The following GALNS variants were observed in gnomAD, a reference collection of about 807,000 sequenced individuals.
GALNS encodes the protein N-acetylgalactosamine-6-sulfatase.
Under a neutral mutation model 65.9 loss-of-function variants are expected in GALNS, and 65 were observed. The observed-to-expected ratio is 0.99, with a 90% confidence interval of 0.81 to 1.21. The LOEUF is 1.21. Ranked by LOEUF, GALNS falls within the 50% of genes most tolerant of loss-of-function variation. The pLI, the probability that GALNS is intolerant of heterozygous loss-of-function variation, is 0.00. For synonymous variants in GALNS, 346 were observed against 288.9 expected, an observed-to-expected ratio of 1.20 and a Z score of -2.00; for missense variants, 776 against 700.7, an observed-to-expected ratio of 1.11 and a Z score of -1.21.
At chr16:88,840,539 G>C (rs974221880) in intron 4 of GALNS, 8 of 299,820 alleles carry the variant, frequency 2.7e-5, no homozygotes, top group African/African-American at 1.7e-4. Context: ...CAACTGCTAG[G>C]CTGTTACTCT....
chr16:88,839,505 C>T (rs1385307513), intron 4 of GALNS, among the ~76,000 whole-genome samples: 6 of 152,264 alleles, frequency 3.9e-5, no homozygotes, highest in African/African-American at 7.2e-5. Context: ...CAAGTCCCTG[C>T]CCTGCACACC....
At chr16:88,823,768 G>A (rs1380423151) in intron 11 of GALNS, among the ~76,000 whole-genome samples, 9 of 136,068 alleles carry the variant, frequency 6.6e-5, no homozygotes, top group Non-Finnish European at 1.1e-4. Context: ...GACGGCCCTC[G>A]CAGGCGGCAA....
intron 1 of GALNS, among the ~76,000 whole-genome samples, chr16:88,846,994 A>C (rs1194930180): frequency 6.6e-6 from 1 of 152,124 alleles, no homozygotes; most frequent in Admixed American, 6.5e-5. Context: ...ACCTGTGGAC[A>C]CACCTGGACG....
At chr16:88,837,058 G>A (rs559580959) in intron 5 of GALNS, among the ~76,000 whole-genome samples, 14 of 152,358 alleles carry the variant, frequency 9.2e-5, no homozygotes, top group South Asian at 4.1e-4. Context: ...TCTGGTCACC[G>A]TCATGTAATG....
At position 88,815,454 on chromosome 16, in the gene GALNS, C is replaced by T. The variant is rs1909524976; in HGVS notation, c.1483-929G>A. Reference sequence around the variant, plus strand: ...AGTGCGGTGCTGAGCGGAGCCCGCACCCCTCCATCGCCTGGGTGTGTGTGG... The same window carrying T: ...AGTGCGGTGCTGAGCGGAGCCCGCATCCCTCCATCGCCTGGGTGTGTGTGG... On this transcript the variant is annotated intron_variant, in intron 13 of 13. Transcript: ENST00000268695. 6 of 985,368 alleles carry T rather than the reference C, an allele frequency of 6.1e-6. No individual in the cohort carries two copies. In the South Asian group the frequency reaches 1.4e-4, roughly 23 times the overall value. 61.0% of individuals were successfully genotyped at this position (985,368 alleles called of 1,614,324 possible).
chr16:88,835,445 T>C (rs1912022072), intron 7 of GALNS, 93 bp from the exon 8 acceptor site: 1 of 1,510,980 alleles, frequency 6.6e-7, no homozygotes, highest in African/African-American at 1.4e-5. Flanking sequence ...ACGGAGTTCA[T>C]TAAATCATAA....
At chr16:88,827,097 G>GAA (rs1203795845) in intron 9 of GALNS, 1 of 579,854 alleles carries the variant, frequency 1.7e-6, no homozygotes. Context: ...TGGATCAGAT[G>GAA]AAAGGAGAAT....
chr16:88,825,131 T>C (rs1333165338), intron 10 of GALNS, among the ~76,000 whole-genome samples: 194 of 99,072 alleles, frequency 2.0e-3, no homozygotes, highest in African/African-American at 8.2e-3. Flanking sequence ...GGCTGGGGTG[T>C]CTGGGCGGCC....
Position 88,814,285 on chromosome 16 carries a change from G to A in GALNS, c.*154C>T. On this transcript the variant is annotated 3_prime_UTR_variant, in exon 14 of 14. Coordinates refer to ENST00000268695, the MANE Select transcript of GALNS (RefSeq NM_000512.5). ...CAAGCACACGCCAGGGTCAGGTCCT[G>A]GGCAGGTGGAATTGTGCAGTCCCCC... The A allele has an allele frequency of 2.0e-6, 2 of 1,025,630 alleles. No individual in the cohort carries two copies. Among genetic ancestry groups the A allele is most frequent in the Non-Finnish European group, 3.0e-6 (2 of 676,756 alleles). The allele number at this position is 1,025,630 out of a possible 1,614,324, so 63.5% of individuals were successfully genotyped here.
intron 11 of GALNS, among the ~76,000 whole-genome samples, chr16:88,823,814 G>T (rs1028193033): frequency 6.9e-6 from 1 of 145,832 alleles, no homozygotes; most frequent in African/African-American, 2.6e-5. Flanking sequence ...GCCCTCGCAG[G>T]CGGCAATGCC....
Position 88,814,347 on chromosome 16 carries a change from G to C in GALNS, c.*92C>G, listed in dbSNP as rs191870580. 6.6e-7 allele frequency: 1 copy of C among 1,511,152 alleles called. No homozygotes were observed. The highest frequency in any genetic ancestry group is 2.5e-5 in the East Asian group (1 of 40,624). 93.6% of individuals were successfully genotyped at this position (1,511,152 alleles called of 1,614,324 possible). A position where few individuals can be genotyped will look rare whatever the true frequency, so the allele number is the denominator to read the frequency against. ...GTGCTGTCTGTCTGGCTTGGGCAGG[G>C]TTGGGGGAGGACCGAGGCCAGAGCC... On this transcript the variant is annotated 3_prime_UTR_variant, in exon 14 of 14. Coordinates refer to ENST00000268695, the MANE Select transcript of GALNS (RefSeq NM_000512.5).
intron 1 of GALNS, among the ~76,000 whole-genome samples, chr16:88,853,287 C>T (rs1409516615): frequency 6.6e-6 from 1 of 151,326 alleles, no homozygotes; most frequent in East Asian, 1.9e-4. Context: ...GCCTAAAAGC[C>T]CCCAAATGAT....
chr16:88,856,552 G>A (rs1337481994), intron 1 of GALNS: 2 of 669,088 alleles, frequency 3.0e-6, no homozygotes, highest in East Asian at 2.8e-5. Flanking sequence ...GCCACTCCCC[G>A]AGGGGCCTCC....
chr16:88,840,082 G>A (rs967755503), intron 4 of GALNS, among the ~76,000 whole-genome samples: 22 of 152,388 alleles, frequency 1.4e-4, no homozygotes, highest in Admixed American at 1.0e-3. Context: ...CTCTGCAGCT[G>A]CTGTGCCCAT....
chr16:88,824,848 G>A lies in GALNS; in HGVS notation c.1161C>T (p.Gly387=), dbSNP rs376919708. The change falls in exon 11 of 14, where the codon GGC becomes GGT. Residue 387 remains glycine (G), a synonymous_variant. Transcript: ENST00000268695. The part of the protein sequence containing the change: ...LMDRPIFYYR[G]DTLMAATLGQ... ...CGAGGGTGGCCGCCATCAGCGTGTC[G>A]CCACGGTAATAGAAGATAGGCCTGT... 8.9e-5 allele frequency: 144 copies of A among 1,613,170 alleles called. No homozygotes were observed. The highest frequency in any genetic ancestry group is 1.9e-4 in the African/African-American group (14 of 74,928).
chr16:88,842,280 C>T (rs1967011738), intron 2 of GALNS: 1 of 541,906 alleles, frequency 1.8e-6, no homozygotes, highest in African/African-American at 1.9e-5. Flanking sequence ...CATCCTCGAG[C>T]ACCAGCCCCG....
intron 1 of GALNS, 108 bp from the exon 2 acceptor site, chr16:88,842,937 A>G (rs1340539869): frequency 3.9e-6 from 6 of 1,542,252 alleles, no homozygotes; most frequent in Non-Finnish European, 5.2e-6. Context: ...GGAAGCCAGC[A>G]CCACCCTGTG....
At chr16:88,833,156 G>A (rs1277383620) in intron 8 of GALNS, among the ~76,000 whole-genome samples, 3 of 150,096 alleles carry the variant, frequency 2.0e-5, no homozygotes, top group Non-Finnish European at 4.4e-5. Context: ...CAAAGTCACC[G>A]CAGCTCCTTC....
chr16:88,832,855 G>A (rs1191353454), intron 8 of GALNS, among the ~76,000 whole-genome samples: 1 of 152,092 alleles, frequency 6.6e-6, no homozygotes, highest in Admixed American at 6.5e-5. Flanking sequence ...GAACTCGGGA[G>A]TTCAAGACTA....
Sources: gnomAD v4.1 joint callset for allele counts (sites outside exome capture counted in the v4.1 genomes callset) on GRCh38, gnomAD v4.1.1 for gene constraint, MANE v1.5 for transcripts, NCBI Gene and HGNC (gene_info 2026-07-23, HGNC 2026-07-21) for gene names.